LAMC1: variants seen among roughly 807,000 people sequenced by gnomAD.
LAMC1 encodes the protein laminin subunit gamma-1.
In LAMC1, 38 loss-of-function variants were observed where a neutral mutation model predicts 173.6. The ratio of observed to expected loss-of-function variants is 0.22; its 90% CI spans 0.17 to 0.29. LAMC1 has a LOEUF of 0.29. Among genes scored for constraint, LAMC1 ranks in the 10% least tolerant of loss-of-function variants. The pLI, the probability that LAMC1 is intolerant of heterozygous loss-of-function variation, is 1.00. For missense variants in LAMC1, 1,824 were observed against 2,051.8 expected (o/e 0.89, Z 2.14); for synonymous variants, 746 against 749.1 (o/e 1.00, Z 0.07).
chr1:183,140,985 A>G (rs1657096965), intron 27 of LAMC1: 1 of 152,310 alleles, frequency 6.6e-6, no homozygotes, highest in African/African-American at 2.4e-5. Flanking sequence ...AGGGATTTAA[A>G]GTAAAGGATT....
chr1:183,116,746 T>TTG, intron 7 of LAMC1, 21 bp from the exon 8 acceptor site: 1 of 1,613,322 alleles, frequency 6.2e-7, no homozygotes, highest in Non-Finnish European at 8.5e-7. Flanking sequence ...AAGTAACTGA[T>TTG]TGTGTCTTAA....
intron 1 of LAMC1, among the ~76,000 whole-genome samples, chr1:183,059,586 C>A (rs1349809152): frequency 1.3e-5 from 2 of 152,104 alleles, no homozygotes; most frequent in Non-Finnish European, 2.9e-5. Context: ...GAGTGGCCAC[C>A]TAATTTCAGT....
chr1:183,077,704 C>G (rs1171842587), intron 1 of LAMC1, among the ~76,000 whole-genome samples: 2 of 146,688 alleles, frequency 1.4e-5, no homozygotes, highest in African/African-American at 4.9e-5. Flanking sequence ...AGTCTTCAGT[C>G]TCATTCAGGT....
chr1:183,140,338 G>T, intron 26 of LAMC1, 66 bp from the exon 27 acceptor site: 1 of 933,444 alleles, frequency 1.1e-6, no homozygotes, highest in South Asian at 1.9e-5. Context: ...TGGGTCATTG[G>T]GAAAAAAGAT....
In LAMC1 at chr1:183,029,626, T is replaced by C. The variant is rs138389874; in HGVS notation, c.418+5492T>C. On this transcript the variant is annotated intron_variant, in intron 1 of 27. Transcript: ENST00000258341. ...CAGGTGTTAGGACTCCTTCCCCAGT[T>C]TCTCTCTCTCTCCCCTTTCTGCCCC... Among the ~76,000 whole-genome samples, 5 of 152,066 alleles carry C rather than the reference T, an allele frequency of 3.3e-5. No homozygotes were observed. In the East Asian group the frequency reaches 7.7e-4, roughly 23 times the overall value.
intron 1 of LAMC1, among the ~76,000 whole-genome samples, chr1:183,070,828 G>C (rs1654992785): frequency 6.6e-6 from 1 of 152,050 alleles, no homozygotes; most frequent in Non-Finnish European, 1.5e-5. Context: ...AGGTGGTAAG[G>C]GTAACTGAGC....
intron 1 of LAMC1, among the ~76,000 whole-genome samples, chr1:183,028,653 A>G (rs932562631): frequency 2.0e-5 from 3 of 152,226 alleles, no homozygotes; most frequent in South Asian, 4.1e-4. Context: ...AAGAAAGTCT[A>G]CTTTATTCTA....
At chr1:183,031,471 A>C (rs2102007257) in intron 1 of LAMC1, among the ~76,000 whole-genome samples, 1 of 151,906 alleles carries the variant, frequency 6.6e-6, no homozygotes, top group South Asian at 2.1e-4. Flanking sequence ...CACCCAGCTA[A>C]TTTTGTATTT....
At chr1:183,049,525 G>A (rs1654355672) in intron 1 of LAMC1, among the ~76,000 whole-genome samples, 1 of 150,944 alleles carries the variant, frequency 6.6e-6, no homozygotes, top group African/African-American at 2.4e-5. Context: ...GTGCAGTGGT[G>A]TGATCTCAGC....
intron 1 of LAMC1, among the ~76,000 whole-genome samples, chr1:183,044,079 G>T (rs1455089116): frequency 6.6e-6 from 1 of 152,062 alleles, no homozygotes; most frequent in Non-Finnish European, 1.5e-5. Flanking sequence ...GAGGATGACT[G>T]TGTAAATGGT....
At chr1:183,133,098 A>T (rs12065110) in intron 21 of LAMC1, among the ~76,000 whole-genome samples, 53,418 of 151,556 alleles carry the variant, frequency 0.35, 10,461 homozygotes, top group East Asian at 0.48. Context: ...TTCAGTAGAG[A>T]CGGGGTTTCA....
chr1:183,085,050 C>T (rs1293371707), intron 1 of LAMC1, among the ~76,000 whole-genome samples: 2 of 152,036 alleles, frequency 1.3e-5, no homozygotes, highest in South Asian at 2.1e-4. Context: ...AACCCCATCT[C>T]TACTAAAACT....
chr1:183,115,458 C>A, intron 5 of LAMC1, 62 bp from the exon 6 acceptor site: 1 of 1,015,168 alleles, frequency 9.9e-7, no homozygotes, highest in Non-Finnish European at 1.6e-6. Flanking sequence ...TTCTTTAACA[C>A]ATTGATTTTA....
At chr1:183,057,153 T>C (rs888117894) in intron 1 of LAMC1, among the ~76,000 whole-genome samples, 2 of 152,200 alleles carry the variant, frequency 1.3e-5, no homozygotes, top group Non-Finnish European at 2.9e-5. Context: ...CCACAAGAAC[T>C]AAAAGGAAAC....
At chr1:183,093,096 A>G (rs1206325823) in intron 1 of LAMC1, among the ~76,000 whole-genome samples, 3 of 152,116 alleles carry the variant, frequency 2.0e-5, no homozygotes, top group Non-Finnish European at 4.4e-5. Flanking sequence ...GTGAGCTATG[A>G]TAGTACCATT....
rs1553253646 is a variant in LAMC1, at chr1:183,053,419, G to GTT, written c.418+29295_418+29296dup. 1.6e-3 allele frequency among the ~76,000 whole-genome samples: 231 copies of GTT among 146,966 alleles called. 1 individual carries two copies. The highest frequency in any genetic ancestry group is 3.1e-3 in the African/African-American group (121 of 39,628). ...TCATCTGGATCTGTTTTTTGTGTGT[G>GTT]TTTTTTTTTTTCATTTCAAACTAAT... On this transcript the variant is annotated intron_variant, in intron 1 of 27. Transcript: ENST00000258341.
intron 1 of LAMC1, among the ~76,000 whole-genome samples, chr1:183,065,331 ATTG>A (rs1408447137): frequency 2.0e-5 from 3 of 152,184 alleles, no homozygotes; most frequent in Non-Finnish European, 4.4e-5. Flanking sequence ...GACTTATGTG[ATTG>A]TAGGGGCTGG....
chr1:183,139,937 C>T (rs762560458), intron 26 of LAMC1, among the ~76,000 whole-genome samples: 3 of 152,074 alleles, frequency 2.0e-5, no homozygotes, highest in Non-Finnish European at 4.4e-5. Flanking sequence ...AAGAGCTTTA[C>T]TTAACTATGA....
chr1:183,099,288 C>G (rs1360932922), intron 1 of LAMC1, among the ~76,000 whole-genome samples: 1 of 152,086 alleles, frequency 6.6e-6, no homozygotes, highest in Non-Finnish European at 1.5e-5. Context: ...CAGGGTTTCA[C>G]CATGTTGGCC....
Sources: gnomAD v4.1 joint callset for allele counts (sites outside exome capture counted in the v4.1 genomes callset) on GRCh38, gnomAD v4.1.1 for gene constraint, MANE v1.5 for transcripts, NCBI Gene and HGNC (gene_info 2026-07-23, HGNC 2026-07-21) for gene names.